Variants in CAAP1 observed in about 807,000 individuals in gnomAD.
CAAP1 encodes the protein caspase activity and apoptosis inhibitor 1.
CAAP1 carries 20 observed loss-of-function variants against 34.0 expected under a neutral mutation model. The observed-to-expected ratio is 0.59, with a 90% CI of 0.41 to 0.86. CAAP1 has a LOEUF of 0.86. Among genes scored for constraint, CAAP1 ranks in the 40% least tolerant of loss-of-function variants. The pLI, the probability that CAAP1 is intolerant of heterozygous loss-of-function variation, is 0.00. For synonymous variants in CAAP1, 213 were observed against 166.7 expected (o/e 1.28, Z -2.14); for missense variants, 538 against 450.5 (o/e 1.19, Z -1.76).
At chr9:26,865,511 A>G (rs1000549953) in intron 4 of CAAP1, among the ~76,000 whole-genome samples, 1 of 149,324 alleles carries the variant, frequency 6.7e-6, no homozygotes, top group Admixed American at 6.7e-5. Context: ...GCAACAAGAG[A>G]GAAACTATGT....
intron 5 of CAAP1, among the ~76,000 whole-genome samples, chr9:26,858,650 G>A (rs1454615789): frequency 4.0e-5 from 6 of 151,782 alleles, no homozygotes; most frequent in Non-Finnish European, 5.9e-5. Flanking sequence ...GTGAAACCCC[G>A]TCTCTACTAA....
intron 4 of CAAP1, among the ~76,000 whole-genome samples, chr9:26,879,230 T>G (rs112928642): frequency 0.042 from 6,446 of 152,310 alleles, 469 homozygotes; most frequent in African/African-American, 0.15. Context: ...TTTATTTTTG[T>G]TGTTGCTTTG....
chr9:26,878,896 G>C (rs1267132581), intron 4 of CAAP1, among the ~76,000 whole-genome samples: 1 of 152,102 alleles, frequency 6.6e-6, no homozygotes, highest in Non-Finnish European at 1.5e-5. Context: ...TAAACACTTT[G>C]TAGTTATTAT....
At chr9:26,889,010 T>C (rs148062661) in intron 1 of CAAP1, among the ~76,000 whole-genome samples, 86 of 152,340 alleles carry the variant, frequency 5.6e-4, no homozygotes, top group Non-Finnish European at 1.1e-3. Context: ...TGCTACAACA[T>C]GGATGAATCT....
intron 5 of CAAP1, among the ~76,000 whole-genome samples, chr9:26,856,361 G>A (rs1336013447): frequency 6.6e-6 from 1 of 151,988 alleles, no homozygotes; most frequent in African/African-American, 2.4e-5. Context: ...ACAGATCAAA[G>A]ACTAAATCAA....
Position 26,861,054 on chromosome 9 carries a change from C to G in CAAP1, c.739+12G>C, listed in dbSNP as rs375449766. ...GTAAATTTTATACAATAATCAAGTA[C>G]TTGGTTCATACCTTGTTTTAATTCC... On this transcript the variant is annotated intron_variant, in intron 5 of 5. Coordinates refer to ENST00000333916, the MANE Select transcript of CAAP1 (RefSeq NM_024828.4). 5.7e-6 allele frequency: 9 copies of G among 1,579,372 alleles called. No individual in the cohort carries two copies. The South Asian group carries it at 1.0e-4, about 18-fold the overall frequency.
Position 26,885,099 on chromosome 9 carries a change from C to T in CAAP1, c.590-214G>A, listed in dbSNP as rs549506538. On this transcript the variant is annotated intron_variant, in intron 3 of 5. Coordinates refer to ENST00000333916, the MANE Select transcript of CAAP1 (RefSeq NM_024828.4). ...CTTTTTTTTTTTTTTTTTTTTTAGA[C>T]GGAGTGTCACACTGTCACCCCGGCT... is the stretch of plus-strand genomic sequence containing the variant. 8.7e-3 allele frequency among the ~76,000 whole-genome samples: 1,052 copies of T among 120,536 alleles called. 13 individuals are homozygous for T. Among genetic ancestry groups the T allele is most frequent in the African/African-American group, 0.031 (973 of 31,190 alleles). 79.1% of individuals were successfully genotyped at this position (120,536 alleles called of 152,430 possible). A position where few individuals can be genotyped will look rare whatever the true frequency, so the allele number is the denominator to read the frequency against.
At chr9:26,877,784 T>C (rs1053986311) in intron 4 of CAAP1, among the ~76,000 whole-genome samples, 3 of 152,100 alleles carry the variant, frequency 2.0e-5, no homozygotes, top group Admixed American at 1.3e-4. Context: ...TTTGAAGACT[T>C]AAATTTGTTT....
rs564251972 is a variant in CAAP1, at chr9:26,880,192, T to C, written c.665+4618A>G. Reference sequence around the variant, plus strand: ...ACTCACGGGGTGTCTTTTGGCATAATTGTTATACATTTGGCATGGACAGCA... The same window carrying C: ...ACTCACGGGGTGTCTTTTGGCATAACTGTTATACATTTGGCATGGACAGCA... On this transcript the variant is annotated intron_variant, in intron 4 of 5. Coordinates refer to ENST00000333916, the MANE Select transcript of CAAP1 (RefSeq NM_024828.4). 5.8e-4 allele frequency: 185 copies of C among 320,596 alleles called. 2 individuals carry two copies. Among genetic ancestry groups the C allele is most frequent in the South Asian group, 4.4e-3 (175 of 39,632 alleles). 19.9% of individuals were successfully genotyped at this position (320,596 alleles called of 1,614,324 possible).
rs1822888427 is a variant in CAAP1, at chr9:26,857,144, C to A, written c.739+3922G>T. On this transcript the variant is annotated intron_variant, in intron 5 of 5. Transcript: ENST00000333916. ...CAATTCAGAAAATTTATATAAGCCA[C>A]CATTATATGAAAAGCAGCAATCTCT... Among the ~76,000 whole-genome samples, 3 of 152,128 alleles carry A rather than the reference C, an allele frequency of 2.0e-5. No individual in the cohort carries two copies. In the South Asian group the frequency reaches 6.2e-4, roughly 32 times the overall value.
rs1404902447 is a variant in CAAP1, at chr9:26,861,070, T to C, written c.735A>G (p.Lys245=). Residue 245 remains lysine, a synonymous_variant, in exon 5 of 6, where the codon AAA becomes AAG. Transcript: ENST00000333916. The part of the protein sequence containing the change: ...ENKQPEGLEL[K]QGKGEDSDVL... ...AATCAAGTACTTGGTTCATACCTTG[T>C]TTTAATTCCAAACCTTCAGGTTGCT... is the stretch of plus-strand genomic sequence containing the variant. 5.0e-6 allele frequency: 8 copies of C among 1,603,344 alleles called. No homozygotes were observed. The highest frequency in any genetic ancestry group is 3.3e-5 in the Admixed American group (2 of 59,962).
rs11545958 is a variant in CAAP1, at chr9:26,892,505, C to A, written c.211G>T (p.Gly71Cys). Residue 71 changes from glycine (G) to cysteine (C), a missense_variant, in exon 1 of 6, where the codon GGC becomes TGC. Physicochemically the swap from Gly to Cys is radical, Grantham distance 159. Around this residue, in one of 3 missense-constraint regions of CAAP1, gnomAD observed 514 missense variants for 408.4 expected, o/e 1.26. Coordinates refer to ENST00000333916, the MANE Select transcript of CAAP1 (RefSeq NM_024828.4). ...SGSVTGGGSG[G>C]SCWGGSSVER... ...ACGCTGCTCCCGCCCCAACAGCTGC[C>A]GCCGCTCCCACCGCCGGTGACACTT... 19 of 1,567,016 alleles carry A rather than the reference C, an allele frequency of 1.2e-5. No individual in the cohort carries two copies. In the African/African-American group the frequency reaches 2.2e-4, roughly 18 times the overall value.
chr9:26,863,354 A>G (rs1262282748), intron 4 of CAAP1, among the ~76,000 whole-genome samples: 1 of 152,166 alleles, frequency 6.6e-6, no homozygotes, highest in Non-Finnish European at 1.5e-5. Flanking sequence ...AAATCCCAGA[A>G]AGTCTTCAAT....
intron 5 of CAAP1, among the ~76,000 whole-genome samples, chr9:26,846,575 A>G (rs1484541050): frequency 2.0e-5 from 3 of 152,012 alleles, no homozygotes; most frequent in African/African-American, 4.8e-5. Flanking sequence ...TCTTTACATT[A>G]TATCTTTTTT....
rs542162072 is a variant in CAAP1 at position 26,870,855 on chromosome 9, G to A, written c.666-9716C>T. On this transcript the variant is annotated intron_variant, in intron 4 of 5. Coordinates refer to ENST00000333916, the MANE Select transcript of CAAP1 (RefSeq NM_024828.4). Reference sequence around the variant, plus strand: ...TGGTCTCAAACTCCTGACCTCAAGCGATCCACCCGCTTCGGCCCCCTAAAG... The same window carrying A: ...TGGTCTCAAACTCCTGACCTCAAGCAATCCACCCGCTTCGGCCCCCTAAAG... 1.1e-4 allele frequency among the ~76,000 whole-genome samples: 17 copies of A among 152,086 alleles called. No individual in the cohort carries two copies. In the South Asian group the frequency reaches 3.1e-3, roughly 28 times the overall value.
At chr9:26,873,804 A>G (rs1375447014) in intron 4 of CAAP1, among the ~76,000 whole-genome samples, 1 of 152,252 alleles carries the variant, frequency 6.6e-6, no homozygotes, top group Non-Finnish European at 1.5e-5. Context: ...CTATAAAACT[A>G]TACATGCTAA....
chr9:26,874,229 AAAAAT>A, intron 4 of CAAP1, among the ~76,000 whole-genome samples: 1 of 151,598 alleles, frequency 6.6e-6, no homozygotes, highest in Non-Finnish European at 1.5e-5. Flanking sequence ...AAAAAAAAAA[AAAAAT>A]TTTTTTTACA....
chr9:26,842,012 T>C lies in CAAP1; in HGVS notation c.*289A>G. 1 of 242,070 alleles carries C rather than the reference T, an allele frequency of 4.1e-6. No homozygotes were observed. The highest frequency in any genetic ancestry group is 5.3e-5 in the Admixed American group (1 of 18,816). 15.0% of individuals were successfully genotyped at this position (242,070 alleles called of 1,614,324 possible). On this transcript the variant is annotated 3_prime_UTR_variant, in exon 6 of 6. Coordinates refer to ENST00000333916, the MANE Select transcript of CAAP1 (RefSeq NM_024828.4). ...AATAAAGAAAAAAATACCACGACTC[T>C]TTGCTAATGGCTTTTAAGATTTGCA...
intron 5 of CAAP1, among the ~76,000 whole-genome samples, 153 bp from the exon 6 acceptor site, chr9:26,842,800 G>A (rs760432906): frequency 7.2e-5 from 11 of 152,048 alleles, no homozygotes; most frequent in African/African-American, 2.7e-4. Context: ...CTTTTCCCCT[G>A]ACTCCTCAAC....
Sources: allele counts gnomAD v4.1 joint callset (sites outside exome capture counted in the v4.1 genomes callset), GRCh38; gene constraint gnomAD v4.1.1; regional missense constraint gnomAD v4.1.1; transcripts MANE v1.5; gene names NCBI Gene and HGNC (gene_info 2026-07-23, HGNC 2026-07-21).